Variants in TRMT44 observed in about 807,000 individuals in gnomAD.
TRMT44 encodes tRNA methyltransferase 44 homolog, also known as probable tRNA (uracil-O(2)-)-methyltransferase.
In TRMT44, 78 loss-of-function variants were observed where a neutral mutation model predicts 77.3. That is an observed-to-expected ratio of 1.01 (90% CI 0.84 to 1.22). TRMT44 has a LOEUF of 1.22. TRMT44 is among the 50% of genes most tolerant of loss of function. The pLI, the probability that TRMT44 is intolerant of heterozygous loss-of-function variation, is 0.00. For missense variants in TRMT44, 1,090 were observed against 964.4 expected (o/e 1.13, Z -1.73); for synonymous variants, 391 against 383.3 (o/e 1.02, Z -0.23).
chr4:8,485,099 A>G (rs1386933369), intron 2 of TRMT44, among the ~76,000 whole-genome samples: 1 of 152,220 alleles, frequency 6.6e-6, no homozygotes, highest in African/African-American at 2.4e-5. Context: ...AAAGTAAATC[A>G]TGAGAAAGAG....
chr4:8,456,932 A>G (rs1229492473), intron 6 of TRMT44, among the ~76,000 whole-genome samples: 1 of 151,934 alleles, frequency 6.6e-6, no homozygotes, highest in Non-Finnish European at 1.5e-5. Context: ...CATGCCTGTA[A>G]TCTTAGCACT....
intron 10 of TRMT44, among the ~76,000 whole-genome samples, chr4:8,475,408 G>A (rs1327696280): frequency 6.6e-6 from 1 of 152,214 alleles, no homozygotes. Context: ...AAGGGACCCA[G>A]CTCTGTCCTC....
At chr4:8,455,462 C>T (rs1042130391) in intron 6 of TRMT44, among the ~76,000 whole-genome samples, 3 of 152,202 alleles carry the variant, frequency 2.0e-5, no homozygotes, top group African/African-American at 7.2e-5. Flanking sequence ...TGCAGTCCCA[C>T]GTAATTTCTC....
chr4:8,465,338 T>C (rs772555548), intron 7 of TRMT44, 40 bp from the exon 8 acceptor site: 17 of 1,574,038 alleles, frequency 1.1e-5, no homozygotes, highest in Non-Finnish European at 1.5e-5. Flanking sequence ...CTGCGTCTGC[T>C]CAGGATGCTT....
At chr4:8,507,130 C>A in the TRMT44 span, 1 of 152,346 alleles carries the variant, frequency 6.6e-6, no homozygotes, top group Non-Finnish European at 1.5e-5. Context: ...GCTCAGCCCC[C>A]ACAGCTGGAT....
rs1362584143 is a variant in TRMT44 at position 8,444,814 on chromosome 4, A to T, written c.620-1662A>T. Among the ~76,000 whole-genome samples the T allele has an allele frequency of 2.0e-5, 3 of 152,258 alleles. No individual in the cohort carries two copies. The East Asian group carries it at 5.8e-4, about 29-fold the overall frequency. On this transcript the variant is annotated intron_variant, in intron 1 of 10. Transcript: ENST00000389737. This position sits in a 1 kb window ranked among gnomAD's most constrained non-coding sequence, Gnocchi z 4.0. ...CCATGATGTGATTAGTTCACATTGC[A>T]TGCCTGGATCAAAACATTTCATGTA... is the stretch of plus-strand genomic sequence containing the variant.
At chr4:8,454,916 T>C (rs1452658022) in intron 6 of TRMT44, 103 bp downstream of exon 6, 4 of 1,031,054 alleles carry the variant, frequency 3.9e-6, no homozygotes, top group Non-Finnish European at 6.0e-6. Context: ...GCAGACATGC[T>C]GATAGTAAAC....
chr4:8,442,034 G>C (rs543315545), intron 1 of TRMT44, among the ~76,000 whole-genome samples: 1 of 152,340 alleles, frequency 6.6e-6, no homozygotes, highest in East Asian at 1.9e-4. Flanking sequence ...ACTTGTCGGA[G>C]AATAACCAGT....
chr4:8,486,150 C>T (rs1018136767), intron 2 of TRMT44, among the ~76,000 whole-genome samples: 4 of 152,174 alleles, frequency 2.6e-5, no homozygotes, highest in African/African-American at 9.7e-5. Context: ...GTCCAGTTTC[C>T]AGTGGGGTCC....
At chr4:8,462,699 G>A (rs777794801) in intron 6 of TRMT44, among the ~76,000 whole-genome samples, 20 of 152,288 alleles carry the variant, frequency 1.3e-4, no homozygotes, top group Middle Eastern at 3.4e-3. Context: ...GCAAGACTCC[G>A]TCTCAAAAAC....
chr4:8,443,865 C>T (rs2109080928), intron 1 of TRMT44, among the ~76,000 whole-genome samples: 1 of 151,788 alleles, frequency 6.6e-6, no homozygotes, highest in East Asian at 1.9e-4. Flanking sequence ...GAGACTGAGG[C>T]AGAAGAATGA....
intron 2 of TRMT44, among the ~76,000 whole-genome samples, chr4:8,483,021 G>A (rs1380069611): frequency 2.6e-5 from 4 of 152,218 alleles, no homozygotes; most frequent in Non-Finnish European, 4.4e-5. Context: ...GGATGATTTC[G>A]TGGTAAGGGG....
chr4:8,459,014 C>A (rs879700255), intron 6 of TRMT44, among the ~76,000 whole-genome samples: 5 of 149,234 alleles, frequency 3.4e-5, no homozygotes, highest in African/African-American at 1.2e-4. Flanking sequence ...GCCAGGGCAA[C>A]GTGGCAAAAT....
chr4:8,471,333 A>C, intron 10 of TRMT44, 133 bp downstream of exon 10: 1 of 608,440 alleles, frequency 1.6e-6, no homozygotes, highest in Non-Finnish European at 2.7e-6. Flanking sequence ...GCGGTGCCCC[A>C]CCCAGCTCTG....
chr4:8,456,828 A>G (rs1287386587), intron 6 of TRMT44, among the ~76,000 whole-genome samples: 3 of 152,212 alleles, frequency 2.0e-5, no homozygotes, highest in Non-Finnish European at 4.4e-5. Flanking sequence ...AAATATCTAG[A>G]TAACAGGAGG....
chr4:8,504,335 C>T, the TRMT44 span, among the ~76,000 whole-genome samples: 1 of 152,296 alleles, frequency 6.6e-6, no homozygotes, highest in East Asian at 1.9e-4. The surrounding 1 kb of genome is among the most constrained non-coding windows in gnomAD (Gnocchi z 5.3). Context: ...CGTGCCTGCT[C>T]CCTTCCCCGC....
the TRMT44 span, among the ~76,000 whole-genome samples, chr4:8,502,230 A>G: frequency 3.9e-4 from 60 of 152,352 alleles, no homozygotes; most frequent in Non-Finnish European, 6.5e-4. Context: ...GAGTGCATCC[A>G]TGGGAATGGT....
At chr4:8,516,873 A>G in the TRMT44 span, among the ~76,000 whole-genome samples, 1 of 152,224 alleles carries the variant, frequency 6.6e-6, no homozygotes, top group Admixed American at 6.5e-5. Context: ...CTCATGAGCA[A>G]TGTGGCCTTG....
intron 2 of TRMT44, among the ~76,000 whole-genome samples, chr4:8,486,488 TTATTTG>T (rs1418604500): frequency 2.0e-5 from 3 of 152,166 alleles, no homozygotes; most frequent in Admixed American, 6.5e-5. Context: ...TGGATTTTAT[TTATTTG>T]GATTTGGATT....
Sources: allele counts gnomAD v4.1 joint callset (sites outside exome capture counted in the v4.1 genomes callset), GRCh38; gene constraint gnomAD v4.1.1; non-coding constraint Gnocchi (gnomAD v3.1); transcripts MANE v1.5; gene names NCBI Gene and HGNC (gene_info 2026-07-23, HGNC 2026-07-21).